Variants in SLC20A1 observed in about 807,000 individuals in gnomAD.
SLC20A1 encodes solute carrier family 20 member 1, also known as sodium-dependent phosphate transporter 1.
SLC20A1 carries 28 observed loss-of-function variants against 62.7 expected under a neutral mutation model. The observed-to-expected ratio is 0.45, with a 90% CI of 0.33 to 0.61. The LOEUF is 0.61. Among genes scored for constraint, SLC20A1 ranks in the 20% least tolerant of loss-of-function variants. The probability of loss-of-function intolerance (pLI) is 0.02; values close to 1 mark genes in which losing one functional copy is unlikely to be tolerated. For synonymous variants in SLC20A1, 305 were observed against 302.9 expected (o/e 1.01, Z -0.07); for missense variants, 673 against 838.6 (o/e 0.80, Z 2.44).
intron 4 of SLC20A1, among the ~76,000 whole-genome samples, chr2:112,651,406 AT>A (rs201296905): frequency 4.0e-4 from 58 of 144,474 alleles, no homozygotes; most frequent in Non-Finnish European, 3.4e-4. Flanking sequence ...TTTGCTCCCA[AT>A]TTTTTTTTTT....
In SLC20A1 at chr2:112,647,290, G is replaced by C. The variant is rs372866036; in HGVS notation, c.335-34G>C. On this transcript the variant is annotated intron_variant, in intron 2 of 10. Coordinates refer to ENST00000272542, the MANE Select transcript of SLC20A1 (RefSeq NM_005415.5). ...TGTGCCACTTACATAATGGAATTTTGATATTTACTTAATAAAACTTTACTA... is the reference window on the plus strand; with the variant it reads ...TGTGCCACTTACATAATGGAATTTTCATATTTACTTAATAAAACTTTACTA... 42 of 1,605,036 alleles carry C rather than the reference G, an allele frequency of 2.6e-5. No individual in the cohort carries two copies. In the African/African-American group the frequency reaches 5.1e-4, roughly 19 times the overall value.
chr2:112,658,461 C>T (rs1163108542), intron 6 of SLC20A1: 2 of 173,240 alleles, frequency 1.2e-5, no homozygotes, highest in Admixed American at 6.0e-5. Flanking sequence ...CTTATCAGCC[C>T]CATGGTTGAG....
At chr2:112,652,874 C>CT in intron 5 of SLC20A1, 76 bp downstream of exon 5, 1 of 1,613,012 alleles carries the variant, frequency 6.2e-7, no homozygotes, top group Non-Finnish European at 8.5e-7. Flanking sequence ...CAATTTACCC[C>CT]TTTTTGCTTT....
At chr2:112,647,533 G>C in intron 3 of SLC20A1, 69 bp downstream of exon 3, 1 of 1,586,740 alleles carries the variant, frequency 6.3e-7, no homozygotes, top group Non-Finnish European at 8.6e-7. Context: ...TTAGGTATGG[G>C]AGGATGTGTT....
Position 112,661,238 on chromosome 2 carries a change from G to A in SLC20A1, c.1878+12G>A. On this transcript the variant is annotated intron_variant, in intron 10 of 10. Coordinates refer to ENST00000272542, the MANE Select transcript of SLC20A1 (RefSeq NM_005415.5). ...CAACACATTGTAAAGTAAGTGTAAT[G>A]CCAATGTGTGTCTTTCAAATGGTTC... 2 of 1,580,166 alleles carry A rather than the reference G, an allele frequency of 1.3e-6. No homozygotes were observed. Among genetic ancestry groups the A allele is most frequent in the East Asian group, 2.2e-5 (1 of 44,710 alleles).
Position 112,652,963 on chromosome 2 carries a change from C to G in SLC20A1, c.658+165C>G, listed in dbSNP as rs751832547. 4.5e-6 allele frequency: 7 copies of G among 1,550,234 alleles called. No individual in the cohort carries two copies. In the South Asian group the frequency reaches 7.1e-5, roughly 16 times the overall value. On this transcript the variant is annotated intron_variant, in intron 5 of 10. Transcript: ENST00000272542. ...GCAGGCTAGTGTACGCTGAGTTAACCTAGATAGTTTTTCAACCAAAGAGAC... is the reference window on the plus strand; with the variant it reads ...GCAGGCTAGTGTACGCTGAGTTAACGTAGATAGTTTTTCAACCAAAGAGAC...
intron 4 of SLC20A1, among the ~76,000 whole-genome samples, chr2:112,648,790 T>C (rs962557928): frequency 1.3e-5 from 2 of 152,190 alleles, no homozygotes; most frequent in African/African-American, 4.8e-5. Flanking sequence ...GACTCCTAAG[T>C]TTGGTACTGT....
At chr2:112,655,821 T>A (rs142403456) in intron 5 of SLC20A1, among the ~76,000 whole-genome samples, 3,324 of 152,242 alleles carry the variant, frequency 0.022, 116 homozygotes, top group African/African-American at 0.077. Flanking sequence ...TGCCTCAGCC[T>A]CCCAAGTAGC....
At position 112,652,798 on chromosome 2, in the gene SLC20A1, TG is replaced by T; in HGVS notation, c.658+1del. ...TTCCATCATGTATACTGGAGCACCG[TG>T]TAAGTACCTATCAAAATATTTAAAT... is the stretch of plus-strand genomic sequence containing the variant. On this transcript the variant is annotated splice_donor_variant, in intron 5 of 10. Transcript: ENST00000272542. LOFTEE classifies it high-confidence loss of function. 6.2e-7 allele frequency: 1 copy of T among 1,613,308 alleles called. No individual in the cohort carries two copies. The highest frequency in any genetic ancestry group is 8.5e-7 in the Non-Finnish European group (1 of 1,179,200).
Position 112,659,187 on chromosome 2 carries a change from T to G in SLC20A1, c.1049-17T>G. 6.2e-7 allele frequency: 1 copy of G among 1,607,206 alleles called. No individual in the cohort carries two copies. On this transcript the variant is annotated splice_polypyrimidine_tract_variant and intron_variant, in intron 7 of 10. Coordinates refer to ENST00000272542, the MANE Select transcript of SLC20A1 (RefSeq NM_005415.5). ...GATGCTTTTTGTATTGAATGTCACC[T>G]TGGTGATCTTGACTAGGTGCAGTGC... is the stretch of plus-strand genomic sequence containing the variant.
intron 10 of SLC20A1, among the ~76,000 whole-genome samples, chr2:112,662,623 G>T (rs564685958): frequency 6.6e-6 from 1 of 152,300 alleles, no homozygotes; most frequent in African/African-American, 2.4e-5. Flanking sequence ...TTAAATTTTA[G>T]CAGTAGCTGA....
chr2:112,657,978 A>G lies in SLC20A1; in HGVS notation c.778+737A>G, dbSNP rs193097583. 1.8e-4 allele frequency among the ~76,000 whole-genome samples: 27 copies of G among 152,160 alleles called. No individual in the cohort carries two copies. In the East Asian group the frequency reaches 4.3e-3, roughly 24 times the overall value. ...TGTGAAGGCTGGGTTAGCAAGTTGAAGTTTATCGTTTCGAAGCTGAGGGAT... is the reference window on the plus strand; with the variant it reads ...TGTGAAGGCTGGGTTAGCAAGTTGAGGTTTATCGTTTCGAAGCTGAGGGAT... On this transcript the variant is annotated intron_variant, in intron 6 of 10. Transcript: ENST00000272542.
At chr2:112,656,427 C>T (rs895370399) in intron 5 of SLC20A1, among the ~76,000 whole-genome samples, 1 of 151,586 alleles carries the variant, frequency 6.6e-6, no homozygotes, top group African/African-American at 2.4e-5. Context: ...TCTCGAACTC[C>T]TGACCTCAAG....
chr2:112,648,202 C>T (rs1029160742), intron 4 of SLC20A1, among the ~76,000 whole-genome samples: 5 of 152,114 alleles, frequency 3.3e-5, no homozygotes, highest in African/African-American at 1.2e-4. Context: ...GACTCTGCCT[C>T]CCATAGTGAC....
intron 10 of SLC20A1, among the ~76,000 whole-genome samples, chr2:112,661,796 G>T (rs189766224): frequency 6.6e-5 from 10 of 152,282 alleles, no homozygotes; most frequent in Middle Eastern, 3.4e-3. Context: ...TGATCCACCT[G>T]GCTCGGCCTC....
chr2:112,661,089 C>T lies in SLC20A1; in HGVS notation c.1794-53C>T, dbSNP rs1272032083. 18 of 1,351,048 alleles carry T rather than the reference C, an allele frequency of 1.3e-5. 1 individual carries two copies. In the South Asian group the frequency reaches 2.1e-4, roughly 16 times the overall value. The allele number at this position is 1,351,048 out of a possible 1,614,324, so 83.7% of individuals were successfully genotyped here. A position where few individuals can be genotyped will look rare whatever the true frequency, so the allele number is the denominator to read the frequency against. On this transcript the variant is annotated intron_variant, in intron 9 of 10. Transcript: ENST00000272542. ...GTGTTAACTTGAGGTGTAGTGTTAG[C>T]TTCTCAAAAAAGTCAAACTCACTTC... is the stretch of plus-strand genomic sequence containing the variant.
chr2:112,657,485 T>C (rs955711234), intron 6 of SLC20A1, among the ~76,000 whole-genome samples: 1 of 152,238 alleles, frequency 6.6e-6, no homozygotes, highest in African/African-American at 2.4e-5. Flanking sequence ...ACCTATGCTG[T>C]AGAGACAATC....
intron 9 of SLC20A1, 100 bp from the exon 10 acceptor site, chr2:112,661,042 C>A: frequency 2.5e-6 from 2 of 786,396 alleles, no homozygotes; most frequent in Non-Finnish European, 4.3e-6. Context: ...GGTTTTGTGA[C>A]TGAGTAGAAC....
Position 112,659,644 on chromosome 2 carries a change from A to T in SLC20A1, c.1489A>T (p.Asn497Tyr). The stretch of plus-strand genomic sequence containing the variant: ...GGGTCTAGGTGACAGAAAAGGAAGT[A>T]ATGGCTCTCTAGAAGAATGGTATGA... ...EMGLGDRKGSNGSLEEWYDQD... is the reference protein window; with the variant it reads ...EMGLGDRKGSYGSLEEWYDQD... Residue 497 changes from asparagine (N) to tyrosine (Y), a missense_variant, in exon 8 of 11, where the codon AAT becomes TAT. Asn to Tyr is a moderately radical substitution (Grantham distance 143). Coordinates refer to ENST00000272542, the MANE Select transcript of SLC20A1 (RefSeq NM_005415.5). 1 of 1,614,214 alleles carries T rather than the reference A, an allele frequency of 6.2e-7. No homozygotes were observed. Among genetic ancestry groups the T allele is most frequent in the Non-Finnish European group, 8.5e-7 (1 of 1,180,028 alleles).
Sources: allele counts gnomAD v4.1 joint callset (sites outside exome capture counted in the v4.1 genomes callset), GRCh38; gene constraint gnomAD v4.1.1; transcripts MANE v1.5; gene names NCBI Gene and HGNC (gene_info 2026-07-23, HGNC 2026-07-21).